Variants in ZSCAN25 observed in about 807,000 individuals in gnomAD.
ZSCAN25 encodes the protein zinc finger and SCAN domain-containing protein 25.
Under a neutral mutation model 38.7 loss-of-function variants are expected in ZSCAN25, and 27 were observed. The ratio of observed to expected loss-of-function variants is 0.70; its 90% CI spans 0.51 to 0.96. The LOEUF is 0.96. Ranked by LOEUF, ZSCAN25 falls within the 40% of genes least tolerant of loss-of-function variation. The pLI is 0.00. For synonymous variants in ZSCAN25, 273 were observed against 277.7 expected, an observed-to-expected ratio of 0.98 and a Z score of 0.17; for missense variants, 637 against 705.9, an observed-to-expected ratio of 0.90 and a Z score of 1.11.
the ZSCAN25 span, among the ~76,000 whole-genome samples, chr7:99,650,706 C>CCCT: frequency 3.8e-4 from 58 of 151,094 alleles, no homozygotes; most frequent in African/African-American, 1.2e-3. Flanking sequence ...TTTCTAATTC[C>CCCT]CCTCCTCCTC....
the ZSCAN25 span, chr7:99,699,908 T>G: frequency 1.4e-5 from 16 of 1,171,696 alleles, no homozygotes; most frequent in Non-Finnish European, 2.1e-5. Context: ...AACAGGGGCC[T>G]GAGTAGCACC....
the ZSCAN25 span, among the ~76,000 whole-genome samples, chr7:99,672,239 ATG>A: frequency 6.6e-6 from 1 of 152,068 alleles, no homozygotes; most frequent in African/African-American, 2.4e-5. Context: ...TTTAGTAGAG[ATG>A]GGGTTTCACC....
the ZSCAN25 span, among the ~76,000 whole-genome samples, chr7:99,702,621 CA>C: frequency 6.6e-6 from 1 of 152,130 alleles, no homozygotes; most frequent in South Asian, 2.1e-4. Context: ...TGTTTTTATA[CA>C]AACACCATAC....
chr7:99,655,557 T>C, the ZSCAN25 span, among the ~76,000 whole-genome samples: 3 of 152,258 alleles, frequency 2.0e-5, no homozygotes, highest in Non-Finnish European at 4.4e-5. Flanking sequence ...GACTTGGCAA[T>C]GCGGGCTCTT....
At chr7:99,655,463 G>C in the ZSCAN25 span, among the ~76,000 whole-genome samples, 1 of 152,212 alleles carries the variant, frequency 6.6e-6, no homozygotes, top group African/African-American at 2.4e-5. Flanking sequence ...CCAGTACCAT[G>C]CTGTTTTGGT....
the ZSCAN25 span, chr7:99,730,970 T>A: frequency 6.5e-7 from 1 of 1,528,594 alleles, no homozygotes; most frequent in Non-Finnish European, 9.0e-7. Flanking sequence ...ATCTCAGACC[T>A]TCCTCTTGAG....
the ZSCAN25 span, chr7:99,705,391 T>C: frequency 8.1e-7 from 1 of 1,234,740 alleles, no homozygotes; most frequent in South Asian, 1.2e-5. Flanking sequence ...TGCAGCACAT[T>C]GGATGAAGCC....
At chr7:99,735,057 G>A in the ZSCAN25 span, 1 of 1,614,112 alleles carries the variant, frequency 6.2e-7, no homozygotes, top group Non-Finnish European at 8.5e-7. Context: ...GCCAGGAGAA[G>A]CCAGGTTTCC....
Position 99,629,267 on chromosome 7 carries a change from G to A in ZSCAN25, c.882G>A (p.Glu294=). 6.2e-7 allele frequency: 1 copy of A among 1,614,172 alleles called. No individual in the cohort carries two copies. Among genetic ancestry groups the A allele is most frequent in the Non-Finnish European group, 8.5e-7 (1 of 1,180,000 alleles). ...LKGALVALTS[E]RFGEASLQGP... ...GGGCGCTGGTGGCACTGACATCAGAGAGGTTTGGGGAAGCCTCTCTCCAGG... is the reference window on the plus strand; with the variant it reads ...GGGCGCTGGTGGCACTGACATCAGAAAGGTTTGGGGAAGCCTCTCTCCAGG... The change falls in exon 8 of 8, where the codon GAG becomes GAA. Residue 294 remains glutamate (E), a synonymous_variant. Coordinates refer to ENST00000394152, the MANE Select transcript of ZSCAN25 (RefSeq NM_145115.3). The surrounding 1 kb of genome is among the most constrained non-coding windows in gnomAD (Gnocchi z 5.6).
At chr7:99,717,375 A>G in the ZSCAN25 span, 27 of 1,600,692 alleles carry the variant, frequency 1.7e-5, no homozygotes, top group East Asian at 2.2e-5. Flanking sequence ...AATGAATTTT[A>G]TGATGTGTTT....
At chr7:99,704,399 C>G in the ZSCAN25 span, among the ~76,000 whole-genome samples, 1 of 151,916 alleles carries the variant, frequency 6.6e-6, no homozygotes, top group African/African-American at 2.4e-5. Flanking sequence ...CAAGCAATTC[C>G]CCTGCCTCAG....
At chr7:99,674,418 G>A in the ZSCAN25 span, 2 of 712,784 alleles carry the variant, frequency 2.8e-6, no homozygotes, top group Non-Finnish European at 4.7e-6. Flanking sequence ...CTCTCTGTTT[G>A]TATTTAGGTT....
At chr7:99,665,162 A>G in the ZSCAN25 span, 279 of 1,602,874 alleles carry the variant, frequency 1.7e-4, no homozygotes, top group Middle Eastern at 6.6e-4. Context: ...AATAGCCCAC[A>G]TACTTATTGA....
At chr7:99,694,876 C>T in the ZSCAN25 span, among the ~76,000 whole-genome samples, 1 of 152,094 alleles carries the variant, frequency 6.6e-6, no homozygotes, top group African/African-American at 2.4e-5. Flanking sequence ...GACCAAAGTT[C>T]ACAGTCCATG....
the ZSCAN25 span, chr7:99,709,335 T>C: frequency 1.3e-6 from 2 of 1,560,584 alleles, no homozygotes; most frequent in African/African-American, 1.4e-5. Flanking sequence ...TGTAGTACTG[T>C]TGAACTGTTA....
chr7:99,625,709 G>A (rs1807409942), intron 7 of ZSCAN25, among the ~76,000 whole-genome samples: 1 of 152,102 alleles, frequency 6.6e-6, no homozygotes, highest in African/African-American at 2.4e-5. Flanking sequence ...GCTGCTGTGT[G>A]GGGTGAGGAG....
At chr7:99,735,711 A>G in the ZSCAN25 span, among the ~76,000 whole-genome samples, 11 of 152,040 alleles carry the variant, frequency 7.2e-5, no homozygotes, top group East Asian at 1.9e-4. Flanking sequence ...ATGCAGTTCT[A>G]TTGTCTTCTT....
chr7:99,695,953 C>T, the ZSCAN25 span: 1 of 798,064 alleles, frequency 1.3e-6, no homozygotes, highest in Non-Finnish European at 2.0e-6. Flanking sequence ...AACATTAAGG[C>T]AATAAATGAT....
At chr7:99,670,897 T>A in the ZSCAN25 span, 2 of 152,192 alleles carry the variant, frequency 1.3e-5, no homozygotes, top group African/African-American at 4.8e-5. Context: ...CCCACTAGTT[T>A]TATGTTGTTC....
Sources: allele counts gnomAD v4.1 joint callset (sites outside exome capture counted in the v4.1 genomes callset), GRCh38; gene constraint gnomAD v4.1.1; non-coding constraint Gnocchi (gnomAD v3.1); transcripts MANE v1.5; gene names NCBI Gene and HGNC (gene_info 2026-07-23, HGNC 2026-07-21).